Variants in ANKRD36 observed in about 807,000 individuals in gnomAD.
ANKRD36 encodes ankyrin repeat domain-containing protein 36A.
ANKRD36 carries 179 observed loss-of-function variants against 278.1 expected under a neutral mutation model. That is an observed-to-expected ratio of 0.64 (90% CI 0.57 to 0.73). The LOEUF is 0.73. ANKRD36 is among the 30% of genes least tolerant of loss of function. The pLI is 0.00. For synonymous variants in ANKRD36, 320 were observed against 641.1 expected (o/e 0.50, Z 7.57); for missense variants, 1,159 against 1,956.7 (o/e 0.59, Z 7.69).
intron 6 of ANKRD36, among the ~76,000 whole-genome samples, chr2:97,131,898 G>GGCTCACT (rs997487636): frequency 2.6e-5 from 4 of 151,576 alleles, no homozygotes; most frequent in African/African-American, 9.7e-5. Flanking sequence ...GCACGATCTC[G>GGCTCACT]GCTCACTGCA....
At chr2:97,223,583 AAC>A (rs1322104594) in intron 66 of ANKRD36, among the ~76,000 whole-genome samples, 3 of 113,260 alleles carry the variant, frequency 2.6e-5, no homozygotes, top group African/African-American at 1.1e-4. Flanking sequence ...ATTAATTTTA[AAC>A]AGTTTCTCTG....
chr2:97,189,674 A>G lies in ANKRD36; in HGVS notation c.2245+384A>G, dbSNP rs1275962687. Among the ~76,000 whole-genome samples the G allele has an allele frequency of 4.7e-5, 4 of 84,246 alleles. 2 individuals carry two copies. The highest frequency in any genetic ancestry group is 1.7e-4 in the Non-Finnish European group (4 of 23,958). 55.3% of individuals were successfully genotyped at this position (84,246 alleles called of 152,430 possible). The stretch of plus-strand genomic sequence containing the variant: ...TCACATAGTACTGCTAAGAAAAGAC[A>G]GAGAACTGATAGTAATAACCCATAG... On this transcript the variant is annotated intron_variant, in intron 34 of 75. Coordinates refer to ENST00000420699, the MANE Select transcript of ANKRD36 (RefSeq NM_001354587.1).
In ANKRD36 at chr2:97,177,416, G is replaced by A. The variant is rs373093826; in HGVS notation, c.1634-2322G>A. The stretch of plus-strand genomic sequence containing the variant: ...CAAAGCTGGAGGCATCACACTACCT[G>A]ACTTCAAACTATACTACAAGGCTAC... On this transcript the variant is annotated intron_variant, in intron 22 of 75. Transcript: ENST00000420699. 5.3e-5 allele frequency among the ~76,000 whole-genome samples: 8 copies of A among 151,972 alleles called. 1 individual carries two copies. The South Asian group carries it at 1.7e-3, about 32-fold the overall frequency.
chr2:97,191,067 A>C (rs765326009), intron 35 of ANKRD36, 42 bp from the exon 36 acceptor site: 1 of 1,593,402 alleles, frequency 6.3e-7, no homozygotes, highest in South Asian at 1.1e-5. Context: ...AATATACTTC[A>C]TTGATTTATT....
At chr2:97,204,739 T>G (rs1388955663) in intron 50 of ANKRD36, among the ~76,000 whole-genome samples, 3 of 151,620 alleles carry the variant, frequency 2.0e-5, no homozygotes, top group Non-Finnish European at 2.9e-5. Context: ...CAGGAAGGTG[T>G]GAAAAGAGGA....
At chr2:97,210,960 C>T (rs1247385602) in intron 56 of ANKRD36, among the ~76,000 whole-genome samples, 6 of 151,860 alleles carry the variant, frequency 4.0e-5, no homozygotes, top group Non-Finnish European at 8.8e-5. Context: ...TATTACACCA[C>T]ATGGGGGTGA....
chr2:97,113,575 G>C lies in ANKRD36; in HGVS notation c.-165G>C. ...CCGGCTAAGGTGCGCGTGCTCGCTG[G>C]TTCTAACCCTTCTGTTGGGCGTTTC... On this transcript the variant is annotated 5_prime_UTR_variant, in exon 1 of 76. Coordinates refer to ENST00000420699, the MANE Select transcript of ANKRD36 (RefSeq NM_001354587.1). The C allele has an allele frequency of 2.4e-6, 2 of 838,716 alleles. No individual in the cohort carries two copies. The highest frequency in any genetic ancestry group is 3.7e-6 in the Non-Finnish European group (2 of 546,026). 52.0% of individuals were successfully genotyped at this position (838,716 alleles called of 1,614,324 possible).
At chr2:97,210,770 T>C (rs1320799403) in intron 56 of ANKRD36, among the ~76,000 whole-genome samples, 1 of 151,884 alleles carries the variant, frequency 6.6e-6, no homozygotes, top group Non-Finnish European at 1.5e-5. Context: ...ATTGCAGTGA[T>C]TTCTGAATGA....
chr2:97,264,511 AC>A lies in ANKRD36; in HGVS notation c.*192del, dbSNP rs1331442790. ...AATAATCAGCAGCCGGATGTGGATA[AC>A]CCTTTCAAATTTCTCCAGGGCACCT... On this transcript the variant is annotated 3_prime_UTR_variant, in exon 76 of 76. Transcript: ENST00000420699. 1.2e-5 allele frequency: 1 copy of A among 84,342 alleles called. No individual in the cohort carries two copies. The highest frequency in any genetic ancestry group is 1.7e-5 in the Non-Finnish European group (1 of 60,134). The allele number at this position is 84,342 out of a possible 1,614,324, so 5.2% of individuals were successfully genotyped here. A position where few individuals can be genotyped will look rare whatever the true frequency, so the allele number is the denominator to read the frequency against.
intron 48 of ANKRD36, 73 bp from the exon 49 acceptor site, chr2:97,203,993 CTA>C: frequency 6.5e-7 from 1 of 1,531,904 alleles, no homozygotes; most frequent in Non-Finnish European, 8.8e-7. Context: ...GAGGCTGATG[CTA>C]ACACTGCATG....
chr2:97,225,047 G>A (rs1356912655), intron 67 of ANKRD36, among the ~76,000 whole-genome samples, 168 bp downstream of exon 67: 2 of 151,608 alleles, frequency 1.3e-5, no homozygotes, highest in South Asian at 2.1e-4. Context: ...ACTTAAAATA[G>A]TGTTGGAATC....
intron 34 of ANKRD36, among the ~76,000 whole-genome samples, chr2:97,190,596 C>G (rs1558620647): frequency 1.3e-5 from 2 of 151,634 alleles, no homozygotes; most frequent in South Asian, 2.1e-4. Context: ...CTTTTGATTT[C>G]CTGCATGAAA....
chr2:97,126,241 A>G (rs923002590), intron 5 of ANKRD36, among the ~76,000 whole-genome samples: 75 of 140,428 alleles, frequency 5.3e-4, no homozygotes, highest in African/African-American at 1.9e-3. Flanking sequence ...TTTGTCTTCC[A>G]TGTCAGTTGG....
At chr2:97,192,535 A>G (rs549415704) in intron 36 of ANKRD36, among the ~76,000 whole-genome samples, 101 of 151,858 alleles carry the variant, frequency 6.7e-4, no homozygotes, top group Non-Finnish European at 8.4e-4. Context: ...TCTCAGGTGT[A>G]TGAGTTTCTC....
chr2:97,185,171 G>T lies in ANKRD36; in HGVS notation c.1940-145G>T, dbSNP rs1247154422. The T allele has an allele frequency of 1.0e-5, 12 of 1,145,144 alleles. No homozygotes were observed. In the East Asian group the frequency reaches 2.3e-4, roughly 22 times the overall value. 70.9% of individuals were successfully genotyped at this position (1,145,144 alleles called of 1,614,324 possible). On this transcript the variant is annotated intron_variant, in intron 28 of 75. Coordinates refer to ENST00000420699, the MANE Select transcript of ANKRD36 (RefSeq NM_001354587.1). ...TTTCTTTTTTTTCAGTGTATTTCTG[G>T]TCATGTTCCAGTCCCCAGACACAAA...
At chr2:97,256,220 G>A (rs1411182619) in intron 75 of ANKRD36, among the ~76,000 whole-genome samples, 3 of 145,410 alleles carry the variant, frequency 2.1e-5, no homozygotes, top group African/African-American at 7.3e-5. Context: ...AGATGGGTGT[G>A]GTGGTGGGCG....
intron 28 of ANKRD36, among the ~76,000 whole-genome samples, chr2:97,184,176 C>T (rs1367029762): frequency 2.0e-5 from 3 of 151,574 alleles, no homozygotes; most frequent in African/African-American, 7.3e-5. Context: ...GGGGTTTCTG[C>T]TGAGGAAACC....
At chr2:97,157,541 C>G (rs2047789040) in intron 15 of ANKRD36, among the ~76,000 whole-genome samples, 1 of 112,260 alleles carries the variant, frequency 8.9e-6, no homozygotes, top group South Asian at 2.3e-4. Context: ...ATTCATGAAT[C>G]ATTGCTCCAT....
chr2:97,130,859 A>G (rs1206665837), intron 6 of ANKRD36, among the ~76,000 whole-genome samples: 3 of 152,068 alleles, frequency 2.0e-5, no homozygotes, highest in African/African-American at 7.2e-5. Flanking sequence ...ATTTTCTTTT[A>G]AGAGAATTAG....
Sources: allele counts gnomAD v4.1 joint callset (sites outside exome capture counted in the v4.1 genomes callset), GRCh38; gene constraint gnomAD v4.1.1; transcripts MANE v1.5; gene names NCBI Gene and HGNC (gene_info 2026-07-23, HGNC 2026-07-21).